RAB40A: variants seen among roughly 807,000 people sequenced by gnomAD.
RAB40A encodes ras-related protein Rab-40A.
For synonymous variants in RAB40A, 65 were observed against 99.9 expected, an observed-to-expected ratio of 0.65 and a Z score of 2.08; for missense variants, 145 against 230.2, an observed-to-expected ratio of 0.63 and a Z score of 2.40.
At chrX:103,494,316 A>G (rs1250978058), downstream of RAB40A, among the ~76,000 whole-genome samples, 1 of 112,083 alleles carries the variant, frequency 8.9e-6, no homozygotes, top group African/African-American at 3.2e-5. Context: ...TGAGCTCATT[A>G]TATATTCTGG....
intron 2 of RAB40A, chrX:103,502,582 C>A: frequency 3.2e-6 from 1 of 311,218 alleles, no homozygotes. Context: ...CAGGATTTCA[C>A]TTCTGTCTTC....
intron 2 of RAB40A, chrX:103,502,671 GC>G (rs1360772264): frequency 4.0e-6 from 3 of 753,423 alleles, no homozygotes; most frequent in Middle Eastern, 7.6e-4. Flanking sequence ...CATTTCTCAA[GC>G]CCTGGAAGCC....
chrX:103,493,644 G>A, the RAB40A span, among the ~76,000 whole-genome samples: 3 of 111,112 alleles, frequency 2.7e-5, no homozygotes, highest in Non-Finnish European at 3.8e-5. Context: ...GTTCAATTGC[G>A]TTCATTTTTA....
At chrX:103,510,593 A>G (rs756225378) in intron 2 of RAB40A, among the ~76,000 whole-genome samples, 3 of 112,485 alleles carry the variant, frequency 2.7e-5, no homozygotes, top group Non-Finnish European at 1.9e-5. Context: ...GCTTAAATAT[A>G]TAAATACCTG....
chrX:103,504,365 C>T (rs1331050315), intron 2 of RAB40A, among the ~76,000 whole-genome samples: 2 of 111,314 alleles, frequency 1.8e-5, no homozygotes, highest in African/African-American at 6.5e-5. Flanking sequence ...CATTCTGCCT[C>T]CTATAATGAA....
At chrX:103,501,967 G>T (rs2073230632) in intron 2 of RAB40A, 1 of 122,786 alleles carries the variant, frequency 8.1e-6, no homozygotes, top group South Asian at 3.7e-4. Flanking sequence ...ACTACAACAG[G>T]TACAAAGATG....
chrX:103,497,347 AGATG>A (rs201929979), downstream of RAB40A, among the ~76,000 whole-genome samples: 7 of 110,551 alleles, frequency 6.3e-5, no homozygotes, highest in East Asian at 1.4e-3. Flanking sequence ...GGGGATGGAT[AGATG>A]GATGGATGGA....
chrX:103,507,788 G>A (rs1045471381), intron 2 of RAB40A, among the ~76,000 whole-genome samples: 1 of 110,766 alleles, frequency 9.0e-6, no homozygotes, highest in African/African-American at 3.3e-5. Context: ...CATGTTACTT[G>A]CCTTCTCTCC....
chrX:103,493,879 G>C, the RAB40A span, among the ~76,000 whole-genome samples: 1 of 112,449 alleles, frequency 8.9e-6, no homozygotes, highest in Admixed American at 9.4e-5. Flanking sequence ...ATAGTGAACA[G>C]TGCTGCAACA....
At position 103,500,623 on chromosome X, in the gene RAB40A, T is replaced by A. The variant is rs1180895; in HGVS notation, c.134A>T (p.His45Leu). 286,556 of 1,207,044 alleles carry A rather than the reference T, an allele frequency of 0.24. 25,570 individuals carry two copies. Among genetic ancestry groups the A allele is most frequent in the Non-Finnish European group, 0.27 (245,274 of 894,045 alleles). ...CGTCTTGTAGTCGATCCCCCCGAGATGGCTGTACGGGGACTCAGCTGCACC... is the reference window on the plus strand; with the variant it reads ...CGTCTTGTAGTCGATCCCCCCGAGAAGGCTGTACGGGGACTCAGCTGCACC... ...QDGAAESPYS[H>L]LGGIDYKTTT... The change falls in exon 3 of 3, where the codon CAT (histidine) becomes CTT (leucine). Residue 45 changes from histidine to leucine, a missense_variant. By Grantham distance (99) the His-to-Leu change is moderately conservative. Coordinates refer to ENST00000304236, the MANE Select transcript of RAB40A (RefSeq NM_080879.3).
chrX:103,503,079 A>C (rs1190644249), intron 2 of RAB40A: 6 of 750,697 alleles, frequency 8.0e-6, no homozygotes, highest in African/African-American at 2.3e-5. Flanking sequence ...TGTTCTCTAC[A>C]TTCTTGGATG....
chrX:103,511,539 C>T (rs1237736052), intron 2 of RAB40A, among the ~76,000 whole-genome samples: 1 of 109,840 alleles, frequency 9.1e-6, no homozygotes, highest in African/African-American at 3.3e-5. Flanking sequence ...GAGTTCATGT[C>T]CTTTGCAGGG....
chrX:103,495,628 T>C (rs1207875836), downstream of RAB40A, among the ~76,000 whole-genome samples: 1 of 112,241 alleles, frequency 8.9e-6, no homozygotes, highest in East Asian at 2.8e-4. Flanking sequence ...CTTCTTTCAC[T>C]TTACATAATG....
rs997961972 is a variant in RAB40A at position 103,518,754 on chromosome X, C to T, written c.-223+616G>A. Among the ~76,000 whole-genome samples, 7 of 111,816 alleles carry T rather than the reference C, an allele frequency of 6.3e-5. No individual in the cohort carries two copies. The South Asian group carries it at 1.1e-3, about 18-fold the overall frequency. On this transcript the variant is annotated intron_variant, in intron 1 of 2. Transcript: ENST00000304236. ...TTTGGAGAACCCTAGGGAAACAACT[C>T]ATTGTTTTGAAAAGTGGAAATATTG...
chrX:103,507,553 T>A (rs1310463820), intron 2 of RAB40A, among the ~76,000 whole-genome samples: 5 of 109,349 alleles, frequency 4.6e-5, no homozygotes, highest in Admixed American at 9.6e-5. Flanking sequence ...CACTCAGAGT[T>A]ATGGAGGCAT....
downstream of RAB40A, among the ~76,000 whole-genome samples, chrX:103,495,661 A>G (rs1007633428): frequency 1.8e-5 from 2 of 112,363 alleles, no homozygotes; most frequent in Non-Finnish European, 3.8e-5. Context: ...GTGTTGCAGC[A>G]TATATCAGTT....
At chrX:103,516,157 C>T (rs956942622) in intron 2 of RAB40A, among the ~76,000 whole-genome samples, 1 of 111,832 alleles carries the variant, frequency 8.9e-6, no homozygotes, top group Non-Finnish European at 1.9e-5. Context: ...TCATAGTTCT[C>T]TCTGTTTTTT....
intron 2 of RAB40A, 26 bp from the exon 3 acceptor site, chrX:103,500,852 T>TA (rs1385696439): frequency 3.6e-6 from 4 of 1,119,883 alleles, no homozygotes; most frequent in Non-Finnish European, 4.7e-6. Context: ...GCATAGAACA[T>TA]AAAAAATGAG....
At chrX:103,519,270 G>A (rs2073330731) in intron 1 of RAB40A, 100 bp downstream of exon 1, 1 of 111,604 alleles carries the variant, frequency 9.0e-6, no homozygotes, top group Non-Finnish European at 1.9e-5. Flanking sequence ...CACGTGCCAT[G>A]GTGGTTTGCT....
Sources: gnomAD v4.1 joint callset for allele counts (sites outside exome capture counted in the v4.1 genomes callset) on GRCh38, gnomAD v4.1.1 for gene constraint, MANE v1.5 for transcripts, NCBI Gene and HGNC (gene_info 2026-07-23, HGNC 2026-07-21) for gene names.